TDRP: variants seen among roughly 807,000 people sequenced by gnomAD.
The protein encoded by TDRP is testis development related protein.
In TDRP, 12 loss-of-function variants were observed where a neutral mutation model predicts 10.5. That is an observed-to-expected ratio of 1.15 (90% confidence interval 0.73 to 1.86). TDRP has a LOEUF of 1.86. Among genes scored for constraint, TDRP ranks in the 40% most tolerant of loss-of-function variants. The pLI is 0.00. For synonymous variants in TDRP, 139 were observed against 95.4 expected (o/e 1.46, Z -2.67); for missense variants, 353 against 229.2 (o/e 1.54, Z -3.49).
rs776017927 is a variant in TDRP at position 492,661 on chromosome 8, T to C, written c.296A>G (p.Gln99Arg). The change falls in exon 3 of 3, where the codon CAG becomes CGG. Residue 99 changes from glutamine (Q) to arginine (R), a missense_variant. Gln to Arg is a conservative substitution (Grantham distance 43, BLOSUM62 1). Coordinates refer to ENST00000324079, the MANE Select transcript of TDRP (RefSeq NM_001384899.1). Reference sequence around the variant, plus strand: ...TTCAATTTCATCTGGTTTTTTAGACTGTATATTCTGTTTTAAAACCAAATT... The same window carrying C: ...TTCAATTTCATCTGGTTTTTTAGACCGTATATTCTGTTTTAAAACCAAATT... The part of the protein sequence containing the change: ...WDNLVLKQNI[Q>R]SKKPDEIEGW... 8.7e-6 allele frequency: 14 copies of C among 1,613,920 alleles called. No homozygotes were observed. The highest frequency in any genetic ancestry group is 1.3e-5 in the African/African-American group (1 of 74,944).
At position 491,465 on chromosome 8, in the gene TDRP, G is replaced by T; in HGVS notation, c.*934C>A. The T allele has an allele frequency of 1.4e-6, 1 of 725,628 alleles. No homozygotes were observed. Among genetic ancestry groups the T allele is most frequent in the South Asian group, 3.0e-5 (1 of 33,366 alleles). The allele number at this position is 725,628 out of a possible 1,614,324, so 44.9% of individuals were successfully genotyped here. A position where few individuals can be genotyped will look rare whatever the true frequency, so the allele number is the denominator to read the frequency against. ...GAGAGATGCTCTCAAACCGGTCGTC[G>T]ATTATTCTTGTGGAAAAAACACAGC... On this transcript the variant is annotated 3_prime_UTR_variant, in exon 3 of 3. Coordinates refer to ENST00000324079, the MANE Select transcript of TDRP (RefSeq NM_001384899.1).
intron 1 of TDRP, among the ~76,000 whole-genome samples, chr8:512,859 C>A (rs547733904): frequency 6.6e-6 from 1 of 151,914 alleles, no homozygotes; most frequent in South Asian, 2.1e-4. Flanking sequence ...GTAATCCCAG[C>A]TACTCAGGAG....
chr8:501,556 C>T (rs567082928), intron 1 of TDRP, among the ~76,000 whole-genome samples: 1 of 151,910 alleles, frequency 6.6e-6, no homozygotes, highest in Non-Finnish European at 1.5e-5. Flanking sequence ...TATGTTGGCC[C>T]GGCTGGTCTC....
chr8:522,402 T>G (rs1056402602), intron 1 of TDRP, among the ~76,000 whole-genome samples: 1 of 152,198 alleles, frequency 6.6e-6, no homozygotes, highest in African/African-American at 2.4e-5. Context: ...TAACTGCCTG[T>G]TTTTCTCTCT....
intron 1 of TDRP, among the ~76,000 whole-genome samples, chr8:496,743 C>G (rs1422228422): frequency 6.6e-6 from 1 of 152,190 alleles, no homozygotes; most frequent in East Asian, 1.9e-4. Context: ...ACACAAGTCT[C>G]AAGTCAAACC....
chr8:523,668 C>T (rs754623545), intron 1 of TDRP, among the ~76,000 whole-genome samples: 4 of 152,160 alleles, frequency 2.6e-5, no homozygotes, highest in African/African-American at 7.2e-5. Context: ...CAATACTCTC[C>T]GAGGGCCTGG....
intron 1 of TDRP, among the ~76,000 whole-genome samples, chr8:541,804 G>A (rs1802501958): frequency 6.6e-6 from 1 of 152,164 alleles, no homozygotes; most frequent in Non-Finnish European, 1.5e-5. Context: ...CCTTGTCCAT[G>A]GGAGTGCAAA....
chr8:530,214 T>C (rs915678818), intron 1 of TDRP, among the ~76,000 whole-genome samples: 3 of 43,466 alleles, frequency 6.9e-5, no homozygotes, highest in African/African-American at 1.2e-4. Flanking sequence ...AGTTCTGTCT[T>C]GTTGTTGATA....
rs1291680747 is a variant in TDRP at position 490,066 on chromosome 8, ACT to A, written c.*2331_*2332del. 2 of 152,190 alleles carry A rather than the reference ACT, an allele frequency of 1.3e-5. No homozygotes were observed. The highest frequency in any genetic ancestry group is 2.4e-5 in the African/African-American group (1 of 41,440). The allele number at this position is 152,190 out of a possible 1,614,324, so 9.4% of individuals were successfully genotyped here. A position where few individuals can be genotyped will look rare whatever the true frequency, so the allele number is the denominator to read the frequency against. ...AGTACAGTAGAAGGAGCACAGGACAACTCTCTTCACACAAGGAAGCTGTGTGT... is the reference window on the plus strand; with the variant it reads ...AGTACAGTAGAAGGAGCACAGGACAACTCTTCACACAAGGAAGCTGTGTGT... On this transcript the variant is annotated 3_prime_UTR_variant, in exon 3 of 3. Transcript: ENST00000324079.
At chr8:523,759 G>A (rs1318834247) in intron 1 of TDRP, among the ~76,000 whole-genome samples, 2 of 152,146 alleles carry the variant, frequency 1.3e-5, no homozygotes, top group Non-Finnish European at 2.9e-5. Flanking sequence ...CTAGTGGCTG[G>A]AGTGCCAGCT....
chr8:520,542 T>A (rs1801875559), intron 1 of TDRP, among the ~76,000 whole-genome samples: 1 of 152,220 alleles, frequency 6.6e-6, no homozygotes, highest in Admixed American at 6.5e-5. Flanking sequence ...AGCAGCTAAA[T>A]CATTGTTACA....
chr8:500,184 G>A (rs938654552), intron 1 of TDRP, among the ~76,000 whole-genome samples: 1 of 152,128 alleles, frequency 6.6e-6, no homozygotes, highest in African/African-American at 2.4e-5. Flanking sequence ...TATTTTTCCT[G>A]TTTTAGCTAT....
chr8:527,029 A>C (rs897287019), intron 1 of TDRP, among the ~76,000 whole-genome samples: 21 of 152,174 alleles, frequency 1.4e-4, no homozygotes, highest in African/African-American at 5.1e-4. Context: ...CTGAGATGGG[A>C]GGATGGCTTG....
intron 1 of TDRP, among the ~76,000 whole-genome samples, chr8:534,273 T>C (rs1164935526): frequency 6.6e-6 from 1 of 152,224 alleles, no homozygotes; most frequent in Non-Finnish European, 1.5e-5. Context: ...AGTAGTTATG[T>C]TGTACAAAGT....
intron 1 of TDRP, among the ~76,000 whole-genome samples, chr8:505,340 T>G (rs1400248338): frequency 6.6e-6 from 1 of 152,226 alleles, no homozygotes. Flanking sequence ...ACAGGTTCAA[T>G]ATGAGTCTTG....
At chr8:530,654 G>A (rs989846120) in intron 1 of TDRP, among the ~76,000 whole-genome samples, 1 of 152,128 alleles carries the variant, frequency 6.6e-6, no homozygotes, top group African/African-American at 2.4e-5. Context: ...TCCCTCTGGT[G>A]CTTGTCTGTG....
intron 1 of TDRP, among the ~76,000 whole-genome samples, chr8:512,393 G>A (rs1224191713): frequency 4.6e-5 from 7 of 151,912 alleles, no homozygotes; most frequent in African/African-American, 1.7e-4. Flanking sequence ...AGATCGTGCT[G>A]CTGCACTCCA....
chr8:526,864 G>A (rs530308391), intron 1 of TDRP, among the ~76,000 whole-genome samples: 4 of 152,176 alleles, frequency 2.6e-5, no homozygotes, highest in East Asian at 1.9e-4. Context: ...AGAGCAATCA[G>A]ACACCAGAAA....
chr8:540,786 A>G (rs147004477), intron 1 of TDRP, among the ~76,000 whole-genome samples: 6 of 146,792 alleles, frequency 4.1e-5, no homozygotes, highest in Non-Finnish European at 8.9e-5. Flanking sequence ...TTGGAACCTA[A>G]TATTATCTAC....
Sources: allele counts gnomAD v4.1 joint callset (sites outside exome capture counted in the v4.1 genomes callset), GRCh38; gene constraint gnomAD v4.1.1; transcripts MANE v1.5; gene names NCBI Gene and HGNC (gene_info 2026-07-23, HGNC 2026-07-21).